The following BRD3 variants were observed in gnomAD, a reference collection of about 807,000 sequenced individuals.
BRD3 encodes bromodomain-containing protein 3.
Under a neutral mutation model 66.8 loss-of-function variants are expected in BRD3, and 17 were observed. The ratio of observed to expected loss-of-function variants is 0.25; its 90% CI spans 0.17 to 0.38. The LOEUF (loss-of-function observed/expected upper bound fraction) is 0.38, where lower values mean the gene tolerates loss of function less well. BRD3 is among the 10% of genes least tolerant of loss of function. BRD3 has a pLI of 1.00. For missense variants in BRD3, 713 were observed against 956.1 expected (o/e 0.75, Z 3.35); for synonymous variants, 421 against 393.2 (o/e 1.07, Z -0.84).
chr9:134,058,415 A>C (rs1411066388), intron 1 of BRD3: 1 of 152,320 alleles, frequency 6.6e-6, no homozygotes, highest in Non-Finnish European at 1.5e-5. Context: ...CATTCAGAAC[A>C]TGTCTGCCCA....
intron 1 of BRD3, chr9:134,056,038 AG>A (rs1052965159): frequency 5.9e-5 from 9 of 152,288 alleles, no homozygotes; most frequent in Admixed American, 2.0e-4. Flanking sequence ...TGGGGAGGGC[AG>A]CCCCGCCCGG....
chr9:134,051,880 GTTTTTTTTGTTT>G (rs1404911289), intron 3 of BRD3, among the ~76,000 whole-genome samples, 171 bp from the exon 4 acceptor site: 11 of 113,660 alleles, frequency 9.7e-5, no homozygotes, highest in Admixed American at 8.9e-4. Context: ...TGTGTGTGTT[GTTTTTTTTGTTT>G]TTTTTTTTTT....
chr9:134,053,605 G>A lies in BRD3; in HGVS notation c.-113-15C>T. 6.9e-7 allele frequency: 1 copy of A among 1,440,836 alleles called. No individual in the cohort carries two copies. Among genetic ancestry groups the A allele is most frequent in the Non-Finnish European group, 9.1e-7 (1 of 1,102,322 alleles). The allele number at this position is 1,440,836 out of a possible 1,614,324, so 89.3% of individuals were successfully genotyped here. A position where few individuals can be genotyped will look rare whatever the true frequency, so the allele number is the denominator to read the frequency against. On this transcript the variant is annotated splice_polypyrimidine_tract_variant and intron_variant, in intron 1 of 11. Coordinates refer to ENST00000303407, the MANE Select transcript of BRD3 (RefSeq NM_007371.4). ...CCAGGCGACAGCTGCAGAGGAGGAA[G>A]CACAACAGAGAGGAAGGCCAGTCAC...
At chr9:134,052,194 G>T in intron 3 of BRD3, 112 bp downstream of exon 3, 1 of 1,383,694 alleles carries the variant, frequency 7.2e-7, no homozygotes, top group Non-Finnish European at 9.7e-7. Context: ...CACCCAGCCA[G>T]GTGAAGCGCT....
intron 1 of BRD3, among the ~76,000 whole-genome samples, chr9:134,066,652 G>C (rs1003819873): frequency 2.6e-5 from 4 of 152,160 alleles, no homozygotes; most frequent in Admixed American, 2.6e-4. Context: ...TTCCTCTTCT[G>C]TTCCTTCTCA....
intron 9 of BRD3, among the ~76,000 whole-genome samples, chr9:134,038,285 G>C (rs1829971346): frequency 8.1e-6 from 1 of 123,466 alleles, no homozygotes; most frequent in African/African-American, 3.5e-5. Context: ...CTCCTGAGTA[G>C]CTGGGATTAC....
intron 3 of BRD3, among the ~76,000 whole-genome samples, 170 bp from the exon 4 acceptor site, chr9:134,051,879 T>G (rs1354468748): frequency 3.5e-5 from 2 of 57,536 alleles, no homozygotes; most frequent in African/African-American, 8.1e-5. Context: ...GTGTGTGTGT[T>G]GTTTTTTTTG....
At chr9:134,059,554 T>A (rs1264483655) in intron 1 of BRD3, among the ~76,000 whole-genome samples, 1 of 152,190 alleles carries the variant, frequency 6.6e-6, no homozygotes, top group Non-Finnish European at 1.5e-5. Context: ...CCTGCGGGAA[T>A]GTGCAGCAGA....
At chr9:134,068,309 C>T (rs1412676828), upstream of BRD3, 1 of 148,466 alleles carries the variant, frequency 6.7e-6, no homozygotes, top group Admixed American at 6.7e-5. Context: ...CCGCCCGGGC[C>T]CGCACGGCTC....
chr9:134,060,457 G>T (rs1195687813), intron 1 of BRD3, among the ~76,000 whole-genome samples: 1 of 152,116 alleles, frequency 6.6e-6, no homozygotes, highest in East Asian at 1.9e-4. Context: ...AGCCAGGCCT[G>T]GTGGTGCACC....
At chr9:134,049,996 A>T (rs1186776401) in intron 5 of BRD3, among the ~76,000 whole-genome samples, 4 of 152,036 alleles carry the variant, frequency 2.6e-5, no homozygotes, top group Non-Finnish European at 5.9e-5. Context: ...GGCACCTCAC[A>T]ACGCACCCAG....
intron 7 of BRD3, among the ~76,000 whole-genome samples, chr9:134,044,092 C>G (rs962309959): frequency 3.3e-5 from 5 of 152,242 alleles, no homozygotes; most frequent in African/African-American, 1.2e-4. Flanking sequence ...TACCAGGCTC[C>G]AGAGGACTGG....
chr9:134,046,557 C>T (rs1830171321), intron 6 of BRD3, among the ~76,000 whole-genome samples: 1 of 152,186 alleles, frequency 6.6e-6, no homozygotes, highest in Non-Finnish European at 1.5e-5. Context: ...AGAAAGAACC[C>T]GGGGGCACAG....
At chr9:134,034,561 G>C (rs959911399) in intron 11 of BRD3, 140 bp downstream of exon 11, 2 of 1,217,466 alleles carry the variant, frequency 1.6e-6, no homozygotes, top group African/African-American at 3.1e-5. Flanking sequence ...GGTTTCAGGA[G>C]CTCAAGAGCT....
chr9:134,045,565 CA>C lies in BRD3; in HGVS notation c.1087-145del. ...TACTGGCCTGGCCGGCAGGACACCCCAGCTCTCTGGGACCTCGTACGAGGAA... is the reference window on the plus strand; with the variant it reads ...TACTGGCCTGGCCGGCAGGACACCCCGCTCTCTGGGACCTCGTACGAGGAA... On this transcript the variant is annotated intron_variant, in intron 6 of 11. Coordinates refer to ENST00000303407, the MANE Select transcript of BRD3 (RefSeq NM_007371.4). The surrounding 1 kb of genome is among the most constrained non-coding windows in gnomAD (Gnocchi z 4.8). 1 of 1,224,854 alleles carries C rather than the reference CA, an allele frequency of 8.2e-7. No homozygotes were observed. The highest frequency in any genetic ancestry group is 1.1e-6 in the Non-Finnish European group (1 of 870,818). The allele number at this position is 1,224,854 out of a possible 1,614,324, so 75.9% of individuals were successfully genotyped here.
rs1843499033 is a variant in BRD3 at position 134,030,698 on chromosome 9, AG to A, written c.*2891del. ...TTCCCAAAAGACTGTCAGAGGCGTG[AG>A]TGCTGCAAAAGAACAACAACAAAAA... On this transcript the variant is annotated 3_prime_UTR_variant, in exon 12 of 12. Transcript: ENST00000303407. 1 of 231,202 alleles carries A rather than the reference AG, an allele frequency of 4.3e-6. No individual in the cohort carries two copies. Among genetic ancestry groups the A allele is most frequent in the Non-Finnish European group, 8.6e-6 (1 of 116,724 alleles). 14.3% of individuals were successfully genotyped at this position (231,202 alleles called of 1,614,324 possible).
chr9:134,057,996 G>A (rs2810490), intron 1 of BRD3: 40,808 of 152,270 alleles, frequency 0.27, 7,010 homozygotes, highest in East Asian at 0.55. Flanking sequence ...CCGACACAGA[G>A]GCCCTGCGAG....
chr9:134,044,192 A>G (rs1336945341), intron 7 of BRD3, among the ~76,000 whole-genome samples: 1 of 151,998 alleles, frequency 6.6e-6, no homozygotes. Flanking sequence ...ATGTAGTGGG[A>G]CCTCCAGGAC....
At position 134,033,486 on chromosome 9, in the gene BRD3, G is replaced by T; in HGVS notation, c.*104C>A. ...TATCATAACACTGAATTAAGAAGCA[G>T]ACCTGCACACCATGGAACAGAAGTA... On this transcript the variant is annotated 3_prime_UTR_variant, in exon 12 of 12. Coordinates refer to ENST00000303407, the MANE Select transcript of BRD3 (RefSeq NM_007371.4). The surrounding 1 kb of genome is among the most constrained non-coding windows in gnomAD (Gnocchi z 5.1). 1 of 622,912 alleles carries T rather than the reference G, an allele frequency of 1.6e-6. No homozygotes were observed. The highest frequency in any genetic ancestry group is 1.9e-5 in the South Asian group (1 of 53,508). 38.6% of individuals were successfully genotyped at this position (622,912 alleles called of 1,614,324 possible). A position where few individuals can be genotyped will look rare whatever the true frequency, so the allele number is the denominator to read the frequency against.
Sources: allele counts gnomAD v4.1 joint callset (sites outside exome capture counted in the v4.1 genomes callset), GRCh38; gene constraint gnomAD v4.1.1; non-coding constraint Gnocchi (gnomAD v3.1); transcripts MANE v1.5; gene names NCBI Gene and HGNC (gene_info 2026-07-23, HGNC 2026-07-21).